EEF2KMT: variants seen among roughly 807,000 people sequenced by gnomAD.
EEF2KMT encodes eukaryotic elongation factor 2 lysine methyltransferase, also known as protein-lysine N-methyltransferase EEF2KMT.
Under a neutral mutation model 35.1 loss-of-function variants are expected in EEF2KMT, and 30 were observed. That is an observed-to-expected ratio of 0.85 (90% confidence interval 0.64 to 1.16). EEF2KMT has a LOEUF of 1.16. Among genes scored for constraint, EEF2KMT ranks in the 50% most tolerant of loss-of-function variants. EEF2KMT has a pLI of 0.00. For missense variants in EEF2KMT, 499 were observed against 438.2 expected (o/e 1.14, Z -1.24); for synonymous variants, 190 against 187.7 (o/e 1.01, Z -0.10).
At position 5,093,587 on chromosome 16, in the gene EEF2KMT, G is replaced by A. The variant is rs770647340; in HGVS notation, c.160-23C>T. ...AGTCTACGGCAAAGGACAGAACGTT[G>A]GTTGCTCGAGAGCCCGTCTTAAGTC... On this transcript the variant is annotated intron_variant, in intron 2 of 7. Transcript: ENST00000427587. The A allele has an allele frequency of 1.9e-6, 3 of 1,611,930 alleles. No homozygotes were observed. The South Asian group carries it at 3.3e-5, about 18-fold the overall frequency.
At chr16:5,088,076 G>A (rs1161428580) in intron 7 of EEF2KMT, among the ~76,000 whole-genome samples, 1 of 151,866 alleles carries the variant, frequency 6.6e-6, no homozygotes, top group Admixed American at 6.6e-5. Flanking sequence ...TGAGTAGCTG[G>A]GACTACAGGC....
rs746052993 is a variant in EEF2KMT at position 5,097,395 on chromosome 16, C to G, written c.96+249G>C. On this transcript the variant is annotated intron_variant, in intron 1 of 7. Transcript: ENST00000427587. The stretch of plus-strand genomic sequence containing the variant: ...AAATGATCGTGAACTGTACCCCACA[C>G]CGAGCGCGCGTCTGCCCCCCAAGGC... 18 of 1,472,642 alleles carry G rather than the reference C, an allele frequency of 1.2e-5. No individual in the cohort carries two copies. The South Asian group carries it at 2.0e-4, about 17-fold the overall frequency. The allele number at this position is 1,472,642 out of a possible 1,614,324, so 91.2% of individuals were successfully genotyped here.
intron 7 of EEF2KMT, among the ~76,000 whole-genome samples, chr16:5,086,031 A>C (rs1254749716): frequency 1.3e-5 from 2 of 151,978 alleles, no homozygotes; most frequent in African/African-American, 4.8e-5. Flanking sequence ...TAGTCAACCC[A>C]CTCTTCACAA....
At chr16:5,088,543 C>G (rs910157897) in intron 7 of EEF2KMT, among the ~76,000 whole-genome samples, 1 of 152,050 alleles carries the variant, frequency 6.6e-6, no homozygotes, top group Non-Finnish European at 1.5e-5. Flanking sequence ...GGTCTCTTGG[C>G]CTCCGTGTGT....
chr16:5,085,461 A>G lies in EEF2KMT; in HGVS notation c.*171T>C, dbSNP rs574276334. The G allele has an allele frequency of 9.0e-4, 569 of 633,060 alleles. No individual in the cohort carries two copies. Among genetic ancestry groups the G allele is most frequent in the Non-Finnish European group, 1.4e-3 (473 of 343,852 alleles). 39.2% of individuals were successfully genotyped at this position (633,060 alleles called of 1,614,324 possible). ...CTGCTGGCAGAAAGGGGGCACCCAC[A>G]CGCTTAGATAGCCGATGTCTTATTA... On this transcript the variant is annotated 3_prime_UTR_variant, in exon 8 of 8. Transcript: ENST00000427587.
chr16:5,093,680 T>C lies in EEF2KMT; in HGVS notation c.160-116A>G, dbSNP rs151313961. ...GCTACCCGATCCCTCAGCAAAGATG[T>C]AGATGGACACAGCGTTTTGGCCCCA... On this transcript the variant is annotated intron_variant, in intron 2 of 7. Transcript: ENST00000427587. 3.2e-3 allele frequency: 4,968 copies of C among 1,536,386 alleles called. 111 individuals are homozygous for C. The Admixed American group carries it at 0.055, about 17-fold the overall frequency.
intron 6 of EEF2KMT, among the ~76,000 whole-genome samples, chr16:5,089,848 T>G (rs192301159): frequency 1.2e-3 from 178 of 152,310 alleles, no homozygotes; most frequent in African/African-American, 4.0e-3. Context: ...GACAGAGCCA[T>G]GTGGTAACGA....
chr16:5,089,023 C>T (rs1184130365), intron 7 of EEF2KMT, 84 bp downstream of exon 7: 54 of 1,603,326 alleles, frequency 3.4e-5, no homozygotes, highest in Non-Finnish European at 4.0e-5. Flanking sequence ...AGCTTTTCCC[C>T]GGCACCCAGT....
chr16:5,096,086 C>T (rs935300191), intron 1 of EEF2KMT, among the ~76,000 whole-genome samples: 1 of 152,090 alleles, frequency 6.6e-6, no homozygotes, highest in Non-Finnish European at 1.5e-5. Context: ...CACTCCACTC[C>T]AGCCACACTG....
intron 7 of EEF2KMT, chr16:5,086,449 ATTCT>A (rs1394149487): frequency 6.6e-6 from 1 of 151,468 alleles, no homozygotes; most frequent in African/African-American, 2.4e-5. Flanking sequence ...AGCCAGAATG[ATTCT>A]TTTTTTTTGT....
At position 5,093,490 on chromosome 16, in the gene EEF2KMT, G is replaced by T; in HGVS notation, c.234C>A (p.Ile78=). ...KYARCFLSEL[I]KKHEAVHTEP... ...GACACTGCCCATAACTGACCTTTTT[G>T]ATGAGTTCTGAGAGAAAGCACCGGG... is the stretch of plus-strand genomic sequence containing the variant. The change falls in exon 3 of 8, where the codon ATC becomes ATA. Residue 78 remains isoleucine, a synonymous_variant. Transcript: ENST00000427587. 6.2e-7 allele frequency: 1 copy of T among 1,612,014 alleles called. No individual in the cohort carries two copies. The highest frequency in any genetic ancestry group is 8.5e-7 in the Non-Finnish European group (1 of 1,179,852).
At chr16:5,092,792 G>A (rs1015903943) in intron 3 of EEF2KMT, among the ~76,000 whole-genome samples, 1 of 152,100 alleles carries the variant, frequency 6.6e-6, no homozygotes, top group African/African-American at 2.4e-5. Flanking sequence ...GTGAAACTCT[G>A]TCTCTATTAA....
rs1394236595 is a variant in EEF2KMT, at chr16:5,089,577, C to T, written c.743-321G>A. ...TGACCCTGCCATGAACTTCATGTTT[C>T]AGGCATCTGCTGATTTGTCTGCTGG... On this transcript the variant is annotated intron_variant, in intron 6 of 7. Coordinates refer to ENST00000427587, the MANE Select transcript of EEF2KMT (RefSeq NM_201400.4). The T allele has an allele frequency of 6.3e-6, 3 of 477,954 alleles. No individual in the cohort carries two copies. The South Asian group carries it at 6.8e-5, about 11-fold the overall frequency. The allele number at this position is 477,954 out of a possible 1,614,324, so 29.6% of individuals were successfully genotyped here. A position where few individuals can be genotyped will look rare whatever the true frequency, so the allele number is the denominator to read the frequency against.
Position 5,084,530 on chromosome 16 carries a change from A to AGT in EEF2KMT, c.*1100_*1101dup. ...GGCCGGGAGGTGCTCCAGGGCACCA[A>AGT]GTGTGGGAAAGTGGGACATGCGGGG... On this transcript the variant is annotated 3_prime_UTR_variant, in exon 8 of 8. Transcript: ENST00000427587. 2 of 733,290 alleles carry AGT rather than the reference A, an allele frequency of 2.7e-6. No homozygotes were observed. The allele number at this position is 733,290 out of a possible 1,614,324, so 45.4% of individuals were successfully genotyped here.
rs1208836887 is a variant in EEF2KMT, at chr16:5,097,760, G to A, written c.-21C>T. 7 of 1,543,320 alleles carry A rather than the reference G, an allele frequency of 4.5e-6. No individual in the cohort carries two copies. The highest frequency in any genetic ancestry group is 2.4e-5 in the East Asian group (1 of 41,418). ...GCCATGACGTGGGCGGGGCCGCAGC[G>A]TTGCCGGCAGACCGGGCGGAAGCCC... On this transcript the variant is annotated 5_prime_UTR_variant, in exon 1 of 8. In the 5' UTR this introduces an upstream ATG that the reference lacks. Coordinates refer to ENST00000427587, the MANE Select transcript of EEF2KMT (RefSeq NM_201400.4).
intron 1 of EEF2KMT, among the ~76,000 whole-genome samples, chr16:5,096,850 T>G (rs3890149): frequency 6.6e-6 from 1 of 152,120 alleles, no homozygotes; most frequent in African/African-American, 2.4e-5. Flanking sequence ...TTTATGAAGG[T>G]TTCTATTTTG....
Position 5,090,256 on chromosome 16 carries a change from G to A in EEF2KMT, c.570C>T (p.His190=), listed in dbSNP as rs1957312886. 1 of 1,611,942 alleles carries A rather than the reference G, an allele frequency of 6.2e-7. No homozygotes were observed. Among genetic ancestry groups the A allele is most frequent in the South Asian group, 1.1e-5 (1 of 91,002 alleles). The stretch of plus-strand genomic sequence containing the variant: ...CTCGGAGCTGCTCAAGGACCCGGCT[G>A]TGACAGTCGCTGAAGATGTATGCCC... ...RPRAYIFSDC[H]SRVLEQLRGN... The change falls in exon 6 of 8, where the codon CAC becomes CAT. Residue 190 remains histidine, a synonymous_variant. Coordinates refer to ENST00000427587, the MANE Select transcript of EEF2KMT (RefSeq NM_201400.4). The surrounding 1 kb of genome is among the most constrained non-coding windows in gnomAD (Gnocchi z 4.1).
intron 1 of EEF2KMT, among the ~76,000 whole-genome samples, chr16:5,097,129 G>A (rs1390539723): frequency 1.3e-5 from 2 of 152,170 alleles, no homozygotes; most frequent in Non-Finnish European, 2.9e-5. Context: ...AGGGCGAGGA[G>A]AGGCCACCCC....
chr16:5,089,138 T>C lies in EEF2KMT; in HGVS notation c.861A>G (p.Pro287=). The C allele has an allele frequency of 6.2e-7, 1 of 1,612,802 alleles. No homozygotes were observed. The highest frequency in any genetic ancestry group is 8.5e-7 in the Non-Finnish European group (1 of 1,179,850). Reference sequence around the variant, plus strand: ...CGGTGGTGAACAGCTGGCACGTCTCTGGGTTGCGGACGGTAAAGGCCACGT... The same window carrying C: ...CGGTGGTGAACAGCTGGCACGTCTCCGGGTTGCGGACGGTAAAGGCCACGT... ...EVYVAFTVRN[P]ETCQLFTTEL... The change falls in exon 7 of 8, where the codon CCA becomes CCG. Residue 287 remains proline (P), a synonymous_variant. Transcript: ENST00000427587.
Sources: allele counts gnomAD v4.1 joint callset (sites outside exome capture counted in the v4.1 genomes callset), GRCh38; gene constraint gnomAD v4.1.1; non-coding constraint Gnocchi (gnomAD v3.1); transcripts MANE v1.5; gene names NCBI Gene and HGNC (gene_info 2026-07-23, HGNC 2026-07-21).